SCHIP1: variants seen among roughly 807,000 people sequenced by gnomAD.
SCHIP1 encodes the protein schwannomin interacting protein 1.
Under a neutral mutation model 29.7 loss-of-function variants are expected in SCHIP1, and 8 were observed. That is an observed-to-expected ratio of 0.27 (90% CI 0.16 to 0.49). The LOEUF (loss-of-function observed/expected upper bound fraction) is 0.49. Ranked by LOEUF, SCHIP1 falls within the 20% of genes least tolerant of loss-of-function variation. SCHIP1 has a pLI of 0.99. For missense variants in SCHIP1, 193 were observed against 294.6 expected (o/e 0.66, Z 2.52); for synonymous variants, 76 against 94.9 (o/e 0.80, Z 1.16).
chr3:159,818,587 A>G, the SCHIP1 span, among the ~76,000 whole-genome samples: 1 of 152,252 alleles, frequency 6.6e-6, no homozygotes, highest in Admixed American at 6.5e-5. Flanking sequence ...AGCCTGGGGC[A>G]GGGAACCACT....
At chr3:159,312,290 G>A in the SCHIP1 span, among the ~76,000 whole-genome samples, 1 of 152,142 alleles carries the variant, frequency 6.6e-6, no homozygotes, top group African/African-American at 2.4e-5. Flanking sequence ...TCACATCAAT[G>A]TTCATCACAG....
At chr3:159,417,613 C>T in the SCHIP1 span, among the ~76,000 whole-genome samples, 24 of 152,220 alleles carry the variant, frequency 1.6e-4, no homozygotes, top group South Asian at 3.5e-3. Context: ...TCAAAGAATA[C>T]GATTCCTCAA....
the SCHIP1 span, among the ~76,000 whole-genome samples, chr3:159,317,654 T>G: frequency 6.6e-6 from 1 of 152,202 alleles, no homozygotes; most frequent in Non-Finnish European, 1.5e-5. Context: ...TCTAGCTACT[T>G]CAGGATGATG....
chr3:159,804,781 C>T, the SCHIP1 span, among the ~76,000 whole-genome samples: 163 of 152,336 alleles, frequency 1.1e-3, no homozygotes, highest in African/African-American at 3.8e-3. Flanking sequence ...GTTTCATTGG[C>T]CCAATGGGGC....
At chr3:159,757,127 A>G in the SCHIP1 span, among the ~76,000 whole-genome samples, 1 of 152,130 alleles carries the variant, frequency 6.6e-6, no homozygotes, top group African/African-American at 2.4e-5. Context: ...ACCCCACTCT[A>G]CTGGTACAAA....
At chr3:159,393,056 A>C in the SCHIP1 span, among the ~76,000 whole-genome samples, 1 of 152,226 alleles carries the variant, frequency 6.6e-6, no homozygotes, top group African/African-American at 2.4e-5. Context: ...CATTTCTCTG[A>C]TGGCCAGTGA....
chr3:159,497,183 G>A, the SCHIP1 span, among the ~76,000 whole-genome samples: 1 of 151,966 alleles, frequency 6.6e-6, no homozygotes, highest in South Asian at 2.1e-4. Context: ...CACCAACATG[G>A]CACATGTATA....
chr3:159,425,108 C>T, the SCHIP1 span, among the ~76,000 whole-genome samples: 763 of 151,780 alleles, frequency 5.0e-3, 6 homozygotes, highest in Admixed American at 0.02. Context: ...TAAAGACCAT[C>T]GAGACTAGGA....
the SCHIP1 span, among the ~76,000 whole-genome samples, chr3:159,794,013 G>C: frequency 2.6e-5 from 4 of 152,174 alleles, no homozygotes; most frequent in Non-Finnish European, 4.4e-5. Flanking sequence ...GCCCACCCGG[G>C]TAATTCAGGA....
the SCHIP1 span, among the ~76,000 whole-genome samples, chr3:159,685,123 C>T: frequency 6.6e-6 from 1 of 152,090 alleles, no homozygotes; most frequent in African/African-American, 2.4e-5. Context: ...TGCATTTGGC[C>T]CCAGAAACAT....
the SCHIP1 span, among the ~76,000 whole-genome samples, chr3:159,799,717 G>C: frequency 1.3e-5 from 2 of 152,228 alleles, no homozygotes; most frequent in Non-Finnish European, 2.9e-5. Flanking sequence ...GTGCAAGAGA[G>C]AGCCTGGCAC....
the SCHIP1 span, among the ~76,000 whole-genome samples, chr3:159,555,486 T>C: frequency 6.6e-5 from 10 of 152,346 alleles, no homozygotes; most frequent in East Asian, 1.9e-3. Context: ...GAACTGAGCA[T>C]TCTGCAAAGC....
the SCHIP1 span, among the ~76,000 whole-genome samples, chr3:159,710,226 C>G: frequency 6.6e-6 from 1 of 151,696 alleles, no homozygotes; most frequent in Non-Finnish European, 1.5e-5. Context: ...TTTTTTAATA[C>G]GCTAGATATA....
the SCHIP1 span, among the ~76,000 whole-genome samples, chr3:159,496,479 A>G: frequency 6.6e-6 from 1 of 152,248 alleles, no homozygotes; most frequent in Non-Finnish European, 1.5e-5. Context: ...GAAGACATTT[A>G]TGCAGCCAAA....
chr3:159,567,290 C>T, the SCHIP1 span, among the ~76,000 whole-genome samples: 1 of 152,146 alleles, frequency 6.6e-6, no homozygotes, highest in African/African-American at 2.4e-5. Context: ...GACTTGTCTA[C>T]TTTGTTCCTA....
chr3:159,281,786 C>A, the SCHIP1 span, among the ~76,000 whole-genome samples: 1 of 151,844 alleles, frequency 6.6e-6, no homozygotes, highest in African/African-American at 2.4e-5. Context: ...ATTCATTTAT[C>A]GTTGTAATGT....
intron 6 of SCHIP1, 46 bp from the exon 8 acceptor site, chr3:159,896,677 G>A: frequency 1.3e-6 from 2 of 1,520,466 alleles, no homozygotes; most frequent in Admixed American, 2.1e-5. Flanking sequence ...AAAGCAGTTT[G>A]GATCTCTCTA....
the SCHIP1 span, among the ~76,000 whole-genome samples, chr3:159,558,568 T>A: frequency 6.6e-6 from 1 of 152,074 alleles, no homozygotes; most frequent in Admixed American, 6.5e-5. Context: ...AAATAATAAA[T>A]CCATGGAGCT....
At chr3:159,769,442 C>T in the SCHIP1 span, among the ~76,000 whole-genome samples, 12 of 152,294 alleles carry the variant, frequency 7.9e-5, no homozygotes, top group Admixed American at 1.3e-4. Flanking sequence ...CCTATTTTGA[C>T]GCTTTTCTTT....
Sources: allele counts gnomAD v4.1 joint callset (sites outside exome capture counted in the v4.1 genomes callset), GRCh38; gene constraint gnomAD v4.1.1; transcripts MANE v1.5; gene names NCBI Gene and HGNC (gene_info 2026-07-23, HGNC 2026-07-21).